Variants in ADD2 observed in about 807,000 individuals in gnomAD.
ADD2 encodes the protein adducin 2.
Under a neutral mutation model 83.0 loss-of-function variants are expected in ADD2, and 23 were observed. The observed-to-expected ratio is 0.28, with a 90% CI of 0.20 to 0.39. The LOEUF is 0.39. ADD2 is among the 10% of genes least tolerant of loss of function. ADD2 has a pLI of 1.00. For synonymous variants in ADD2, 375 were observed against 375.4 expected (o/e 1.00, Z 0.01); for missense variants, 758 against 944.9 (o/e 0.80, Z 2.59).
intron 13 of ADD2, chr2:70,675,392 T>C: frequency 2.0e-6 from 2 of 985,594 alleles, no homozygotes; most frequent in Non-Finnish European, 2.4e-6. Flanking sequence ...GGTTCCTGAG[T>C]CTCAGATCTT....
chr2:70,679,166 T>G (rs2104252449), intron 10 of ADD2, among the ~76,000 whole-genome samples: 1 of 152,322 alleles, frequency 6.6e-6, no homozygotes, highest in East Asian at 1.9e-4. Context: ...TCTCTTTCTC[T>G]ACCCCAACAA....
intron 1 of ADD2, among the ~76,000 whole-genome samples, chr2:70,749,018 A>G (rs145300071): frequency 3.3e-5 from 5 of 152,138 alleles, no homozygotes; most frequent in Admixed American, 6.5e-5. Context: ...TCATGTTGCT[A>G]TGAAGGAATA....
chr2:70,715,744 C>T (rs1553376236), intron 1 of ADD2, among the ~76,000 whole-genome samples: 5 of 152,202 alleles, frequency 3.3e-5, no homozygotes. Context: ...TCACCACACA[C>T]CGCAGCCTCC....
rs1340065451 is a variant in ADD2, at chr2:70,661,295, C to T, written c.*2130G>A. The T allele has an allele frequency of 1.3e-5, 2 of 152,304 alleles. No individual in the cohort carries two copies. The highest frequency in any genetic ancestry group is 2.1e-4 in the South Asian group (1 of 4,818). 9.4% of individuals were successfully genotyped at this position (152,304 alleles called of 1,614,324 possible). ...GCTCTCTTTCAACGTCAGCATAATG[C>T]CTGGTGCTCAGTGGATCCTTAACAA... On this transcript the variant is annotated 3_prime_UTR_variant, in exon 16 of 16. Coordinates refer to ENST00000264436, the MANE Select transcript of ADD2 (RefSeq NM_001617.4).
At chr2:70,766,951 TTTTCTA>T (rs1483363730) in intron 1 of ADD2, among the ~76,000 whole-genome samples, 2 of 152,324 alleles carry the variant, frequency 1.3e-5, no homozygotes, top group Admixed American at 6.5e-5. Context: ...TGCTTTTTTA[TTTTCTA>T]TTTCTATTTC....
At chr2:70,673,130 C>T (rs1238340141) in intron 14 of ADD2, 124 bp from the exon 15 acceptor site, 4 of 1,542,748 alleles carry the variant, frequency 2.6e-6, no homozygotes, top group Non-Finnish European at 3.6e-6. Flanking sequence ...GATAATGAGA[C>T]TTCTAGCTGA....
chr2:70,659,342 G>A lies in ADD2; in HGVS notation c.*4083C>T, dbSNP rs535581655. 4.6e-5 allele frequency: 7 copies of A among 152,240 alleles called. No homozygotes were observed. The South Asian group carries it at 1.5e-3, about 32-fold the overall frequency. 9.4% of individuals were successfully genotyped at this position (152,240 alleles called of 1,614,324 possible). A position where few individuals can be genotyped will look rare whatever the true frequency, so the allele number is the denominator to read the frequency against. On this transcript the variant is annotated 3_prime_UTR_variant, in exon 16 of 16. Transcript: ENST00000264436. ...TGGCAATCAAAGAAGTGGATTTATA[G>A]CATTTTCCCCCACACTAGCAGTAGC...
chr2:70,747,165 C>A (rs1056977263), intron 1 of ADD2, among the ~76,000 whole-genome samples: 1 of 152,158 alleles, frequency 6.6e-6, no homozygotes, highest in Non-Finnish European at 1.5e-5. Context: ...CACCCGCCAC[C>A]ACACCCAGCT....
chr2:70,690,268 T>C (rs1297222707), intron 8 of ADD2, among the ~76,000 whole-genome samples: 1 of 152,128 alleles, frequency 6.6e-6, no homozygotes, highest in Non-Finnish European at 1.5e-5. Context: ...CACTAATTTT[T>C]GTATTTTTTG....
intron 4 of ADD2, among the ~76,000 whole-genome samples, chr2:70,703,473 G>T (rs1023198075): frequency 6.6e-6 from 1 of 152,228 alleles, no homozygotes; most frequent in Non-Finnish European, 1.5e-5. Flanking sequence ...GAGAAAGGAT[G>T]TAATCTGCCA....
chr2:70,697,727 C>T (rs989475857), intron 4 of ADD2, among the ~76,000 whole-genome samples: 1 of 151,976 alleles, frequency 6.6e-6, no homozygotes, highest in African/African-American at 2.4e-5. Flanking sequence ...ACGTGGTCTA[C>T]AAAAGCGAGG....
At chr2:70,750,516 G>GAC (rs1424992506) in intron 1 of ADD2, among the ~76,000 whole-genome samples, 1 of 152,090 alleles carries the variant, frequency 6.6e-6, no homozygotes, top group African/African-American at 2.4e-5. Flanking sequence ...TCATAGAGAA[G>GAC]ACACACACAC....
chr2:70,707,544 C>A (rs961822004), intron 2 of ADD2, among the ~76,000 whole-genome samples: 1 of 37,260 alleles, frequency 2.7e-5, no homozygotes, highest in East Asian at 8.5e-4. Context: ...GGCTTCACTT[C>A]CCGGCAGTGG....
intron 15 of ADD2, 68 bp from the exon 16 acceptor site, chr2:70,663,803 C>G: frequency 6.7e-7 from 1 of 1,483,036 alleles, no homozygotes; most frequent in South Asian, 1.3e-5. Context: ...CTGGGGCTAA[C>G]AGAACCATTT....
At chr2:70,691,047 G>A in intron 7 of ADD2, 118 bp from the exon 8 acceptor site, 3 of 1,273,042 alleles carry the variant, frequency 2.4e-6, no homozygotes, top group Non-Finnish European at 3.1e-6. Context: ...AGTGAGGGGT[G>A]AGGTTGGGGA....
At chr2:70,767,778 C>T in intron 1 of ADD2, 108 bp downstream of exon 1, 1 of 1,473,478 alleles carries the variant, frequency 6.8e-7, no homozygotes, top group Admixed American at 2.4e-5. Context: ...AACAGACGCG[C>T]CCCACCTGGG....
rs557336226 is a variant in ADD2 at position 70,690,970 on chromosome 2, C to T, written c.706-41G>A. ...GCATGGTTAGCACCTGCAGCCCTCCCTGCCCTTTCCTCAGAGCAGCACAGT... is the reference window on the plus strand; with the variant it reads ...GCATGGTTAGCACCTGCAGCCCTCCTTGCCCTTTCCTCAGAGCAGCACAGT... On this transcript the variant is annotated intron_variant, in intron 7 of 15. Transcript: ENST00000264436. 3.0e-5 allele frequency: 47 copies of T among 1,584,790 alleles called. No individual in the cohort carries two copies. In the South Asian group the frequency reaches 5.2e-4, roughly 18 times the overall value.
chr2:70,673,134 T>C, intron 14 of ADD2, 128 bp from the exon 15 acceptor site: 1 of 1,526,932 alleles, frequency 6.5e-7, no homozygotes, highest in Admixed American at 1.8e-5. Flanking sequence ...ATGAGACTTC[T>C]AGCTGAAGTT....
chr2:70,692,476 A>C lies in ADD2; in HGVS notation c.632T>G (p.Leu211Arg). ...CCTCGCTGCATAGATGGCCGAGTGC[A>C]GACAGAAGCCTGTGGTGTCCACTGG... ...CFPVDTTGFC[L>R]HSAIYAARPD... Residue 211 changes from leucine to arginine, a missense_variant, in exon 7 of 16, where the codon CTG (leucine) becomes CGG (arginine). By Grantham distance (102) the Leu-to-Arg change is moderately radical (BLOSUM62 -2). Coordinates refer to ENST00000264436, the MANE Select transcript of ADD2 (RefSeq NM_001617.4). 3 of 1,613,116 alleles carry C rather than the reference A, an allele frequency of 1.9e-6. No homozygotes were observed. The East Asian group carries it at 6.7e-5, about 36-fold the overall frequency.
Sources: allele counts gnomAD v4.1 joint callset (sites outside exome capture counted in the v4.1 genomes callset), GRCh38; gene constraint gnomAD v4.1.1; transcripts MANE v1.5; gene names NCBI Gene and HGNC (gene_info 2026-07-23, HGNC 2026-07-21).